Variants in MUCL1 observed in about 807,000 individuals in gnomAD.
The protein encoded by MUCL1 is mucin like 1.
In MUCL1, 11 loss-of-function variants were observed where a neutral mutation model predicts 9.2. That is an observed-to-expected ratio of 1.19 (90% confidence interval 0.75 to 1.97). The LOEUF (loss-of-function observed/expected upper bound fraction) is 1.97, where lower values mean the gene tolerates loss of function less well. MUCL1 is among the 30% of genes most tolerant of loss of function. The pLI is 0.00. For synonymous variants in MUCL1, 48 were observed against 40.5 expected, an observed-to-expected ratio of 1.19 and a Z score of -0.71; for missense variants, 144 against 110.9, an observed-to-expected ratio of 1.30 and a Z score of -1.34.
intron 1 of MUCL1, among the ~76,000 whole-genome samples, chr12:54,840,638 T>G (rs1320863556): frequency 6.6e-6 from 1 of 152,146 alleles, no homozygotes; most frequent in Non-Finnish European, 1.5e-5. Flanking sequence ...AAAAGCCAGG[T>G]TATGGCTGGG....
rs1179906197 is a variant in MUCL1 at position 54,854,517 on chromosome 12, G to A, written c.-66G>A. On this transcript the variant is annotated 5_prime_UTR_variant, in exon 1 of 4. Transcript: ENST00000308796. ...GTCAGGATGTGGAATCCTGAAGTCA[G>A]CGCCTTGCCTTCTCTTAGGCTTTGA... 2 of 1,318,734 alleles carry A rather than the reference G, an allele frequency of 1.5e-6. No homozygotes were observed. Among genetic ancestry groups the A allele is most frequent in the Admixed American group, 1.8e-5 (1 of 54,762 alleles). The allele number at this position is 1,318,734 out of a possible 1,614,324, so 81.7% of individuals were successfully genotyped here.
At chr12:54,837,609 A>C (rs1959195190), upstream of MUCL1, among the ~76,000 whole-genome samples, 1 of 152,052 alleles carries the variant, frequency 6.6e-6, no homozygotes, top group Non-Finnish European at 1.5e-5. Context: ...ACTAAAAAAA[A>C]ATACAAAAAA....
At position 54,856,834 on chromosome 12, in the gene MUCL1, TGCTGCTCCTACCACTGCAACCACC is replaced by T. The variant is rs766522580; in HGVS notation, c.172_195del (p.Pro58_Ala65del). On this transcript the variant is annotated inframe_deletion, in exon 3 of 4. Transcript: ENST00000308796. ...CTGCTGCTGCAACCACTGCAACCAC[TGCTGCTCCTACCACTGCAACCACC>T]GCTGCTTCTACCACTGCTCGTAAAG... 5.3e-5 allele frequency: 86 copies of T among 1,612,658 alleles called. No individual in the cohort carries two copies. In the East Asian group the frequency reaches 1.7e-3, roughly 31 times the overall value.
chr12:54,857,854 C>T (rs1868312350), intron 3 of MUCL1, among the ~76,000 whole-genome samples: 1 of 152,138 alleles, frequency 6.6e-6, no homozygotes, highest in African/African-American at 2.4e-5. Context: ...TGTCAATAAT[C>T]TGTAAAGTAG....
chr12:54,846,247 G>T (rs768444357), intron 1 of MUCL1, among the ~76,000 whole-genome samples: 1 of 152,106 alleles, frequency 6.6e-6, no homozygotes, highest in Non-Finnish European at 1.5e-5. Flanking sequence ...CACCCTCTTG[G>T]GCTTCAGGAG....
chr12:54,852,450 C>T (rs1868259673), upstream of MUCL1, among the ~76,000 whole-genome samples: 1 of 152,084 alleles, frequency 6.6e-6, no homozygotes, highest in Admixed American at 6.5e-5. Context: ...ATCTGGCTAG[C>T]CATATGTAGA....
At chr12:54,842,341 G>A (rs1161716012) in intron 1 of MUCL1, among the ~76,000 whole-genome samples, 1 of 151,824 alleles carries the variant, frequency 6.6e-6, no homozygotes, top group Non-Finnish European at 1.5e-5. Context: ...GATAGAAAAT[G>A]GCTACAGTTA....
chr12:54,855,893 C>T (rs1185721619), intron 2 of MUCL1, among the ~76,000 whole-genome samples: 1 of 152,138 alleles, frequency 6.6e-6, no homozygotes, highest in Admixed American at 6.5e-5. Flanking sequence ...ATGTGAGGCC[C>T]CATTTAAAAA....
upstream of MUCL1, among the ~76,000 whole-genome samples, chr12:54,852,423 A>G (rs1029725081): frequency 3.5e-4 from 53 of 152,216 alleles, no homozygotes; most frequent in Non-Finnish European, 6.6e-4. Flanking sequence ...TCCCTATTTA[A>G]TAAATGGTGC....
intron 1 of MUCL1, among the ~76,000 whole-genome samples, chr12:54,832,836 A>C (rs1424328527): frequency 2.0e-5 from 3 of 152,138 alleles, no homozygotes; most frequent in Non-Finnish European, 4.4e-5. Flanking sequence ...ACATTTGTAT[A>C]GGTAAAATGC....
intron 2 of MUCL1, 81 bp downstream of exon 2, chr12:54,855,238 A>G (rs976270002): frequency 2.4e-6 from 3 of 1,253,006 alleles, no homozygotes; most frequent in Non-Finnish European, 3.5e-6. Context: ...GCCAGTTTCC[A>G]TGTGGATAGT....
Position 54,845,111 on chromosome 12 carries a change from G to A in MUCL1, c.43+5664G>A, listed in dbSNP as rs149164733. Reference sequence around the variant, plus strand: ...AAGGTTGAGCTCAGCTGGGACTGTCGGCCAGAATGCCCACACATGGCCTTT... The same window carrying A: ...AAGGTTGAGCTCAGCTGGGACTGTCAGCCAGAATGCCCACACATGGCCTTT... On this transcript the variant is annotated intron_variant, in intron 1 of 3. Transcript: ENST00000546809. Among the ~76,000 whole-genome samples, 6 of 152,220 alleles carry A rather than the reference G, an allele frequency of 3.9e-5. No homozygotes were observed. The East Asian group carries it at 9.7e-4, about 25-fold the overall frequency.
upstream of MUCL1, among the ~76,000 whole-genome samples, chr12:54,836,087 A>G (rs1295485222): frequency 1.3e-5 from 2 of 152,148 alleles, no homozygotes; most frequent in Non-Finnish European, 2.9e-5. Flanking sequence ...ATCAGGGCAT[A>G]CTGGTTTCAC....
intron 3 of MUCL1, among the ~76,000 whole-genome samples, chr12:54,857,284 T>A (rs1392210759): frequency 6.8e-6 from 1 of 147,304 alleles, no homozygotes; most frequent in Non-Finnish European, 1.5e-5. Flanking sequence ...ATCAGGCAAT[T>A]TAAAAATCAG....
At chr12:54,854,123 AG>A (rs1197900449), upstream of MUCL1, among the ~76,000 whole-genome samples, 3 of 152,148 alleles carry the variant, frequency 2.0e-5, no homozygotes, top group East Asian at 1.9e-4. Context: ...TTATTCCCCT[AG>A]GGGGAGACAG....
chr12:54,856,954 T>C, intron 3 of MUCL1, 62 bp downstream of exon 3: 1 of 1,608,588 alleles, frequency 6.2e-7, no homozygotes, highest in Non-Finnish European at 8.5e-7. Context: ...TTGGGTTCTC[T>C]ATTCTCACAG....
At chr12:54,856,062 A>T (rs969967079) in intron 2 of MUCL1, among the ~76,000 whole-genome samples, 2 of 152,072 alleles carry the variant, frequency 1.3e-5, no homozygotes, top group Non-Finnish European at 2.9e-5. Flanking sequence ...AGAGAGAGAT[A>T]ATTTTCAAAA....
At chr12:54,848,446 A>C (rs7311777) in intron 1 of MUCL1, among the ~76,000 whole-genome samples, 57,074 of 152,024 alleles carry the variant, frequency 0.38, 12,681 homozygotes, top group East Asian at 0.84. Flanking sequence ...TGTTTAATGT[A>C]GAAATTATAA....
upstream of MUCL1, among the ~76,000 whole-genome samples, chr12:54,837,481 A>G (rs1352312825): frequency 2.6e-5 from 4 of 152,004 alleles, no homozygotes; most frequent in African/African-American, 4.8e-5. Context: ...AAGAATCCTT[A>G]TGGGCTGGGT....
Sources: allele counts gnomAD v4.1 joint callset (sites outside exome capture counted in the v4.1 genomes callset), GRCh38; gene constraint gnomAD v4.1.1; transcripts MANE v1.5; gene names NCBI Gene and HGNC (gene_info 2026-07-23, HGNC 2026-07-21).